Variants in ITPR1 observed in about 807,000 individuals in gnomAD.
ITPR1 encodes inositol 1,4,5-trisphosphate receptor type 1, also known as inositol 1,4,5-trisphosphate-gated calcium channel ITPR1.
ITPR1 carries 96 observed loss-of-function variants against 318.4 expected under a neutral mutation model. The ratio of observed to expected loss-of-function variants is 0.30; its 90% CI spans 0.26 to 0.36. The LOEUF (loss-of-function observed/expected upper bound fraction) is 0.36, where lower values mean the gene tolerates loss of function less well. Among genes scored for constraint, ITPR1 ranks in the 10% least tolerant of loss-of-function variants. The pLI is 1.00. For synonymous variants in ITPR1, 1,312 were observed against 1,289.9 expected, an observed-to-expected ratio of 1.02 and a Z score of -0.37; for missense variants, 2,440 against 3,460.2, an observed-to-expected ratio of 0.71 and a Z score of 7.40.
chr3:4,524,153 C>G (rs1312119147), intron 4 of ITPR1, among the ~76,000 whole-genome samples: 1 of 152,218 alleles, frequency 6.6e-6, no homozygotes, highest in African/African-American at 2.4e-5. Flanking sequence ...CAGAGGTCCC[C>G]TGCACCCAGG....
intron 3 of ITPR1, among the ~76,000 whole-genome samples, chr3:4,518,132 T>C (rs1304499824): frequency 6.6e-6 from 1 of 152,134 alleles, no homozygotes; most frequent in East Asian, 1.9e-4. Context: ...CTTCTCTCTT[T>C]CCAGCTTCCT....
intron 49 of ITPR1, among the ~76,000 whole-genome samples, chr3:4,781,764 C>G (rs549792179): frequency 1.3e-5 from 2 of 152,268 alleles, no homozygotes; most frequent in African/African-American, 4.8e-5. Flanking sequence ...GGGAGGAACA[C>G]TGGAGTCCAG....
rs71053440 is a variant in ITPR1, at chr3:4,755,404, A to AT, written c.5545-11109dup. 7.2e-3 allele frequency among the ~76,000 whole-genome samples: 1,039 copies of AT among 143,920 alleles called. 11 individuals are homozygous for AT. Among genetic ancestry groups the AT allele is most frequent in the African/African-American group, 0.023 (888 of 37,916 alleles). The allele number at this position is 143,920 out of a possible 152,430, so 94.4% of individuals were successfully genotyped here. On this transcript the variant is annotated intron_variant, in intron 44 of 61. Transcript: ENST00000649015. The stretch of plus-strand genomic sequence containing the variant: ...GGTGTTTTTTCCCCCAATTAAAAAC[A>AT]TTTTTTTTTTTTTTTTTAGACATGG...
intron 4 of ITPR1, among the ~76,000 whole-genome samples, chr3:4,537,053 G>A (rs1260201945): frequency 6.6e-6 from 1 of 152,206 alleles, no homozygotes. Context: ...ACTGTCAGCA[G>A]CCTACGTCCA....
At chr3:4,700,264 A>G (rs2094625864) in intron 35 of ITPR1, among the ~76,000 whole-genome samples, 1 of 152,222 alleles carries the variant, frequency 6.6e-6, no homozygotes, top group Non-Finnish European at 1.5e-5. Context: ...AGTGCCTGAC[A>G]CAGAGTAGGT....
At position 4,685,057 on chromosome 3, in the gene ITPR1, T is replaced by C; in HGVS notation, c.3565-12T>C. On this transcript the variant is annotated splice_polypyrimidine_tract_variant and intron_variant, in intron 29 of 61. Transcript: ENST00000649015. Reference sequence around the variant, plus strand: ...CCTAGTTTTCTGAGACTGATTTCTTTCATTCTACTAGATTTTGATTCGGCT... The same window carrying C: ...CCTAGTTTTCTGAGACTGATTTCTTCCATTCTACTAGATTTTGATTCGGCT... 6.2e-7 allele frequency: 1 copy of C among 1,605,636 alleles called. No homozygotes were observed. The highest frequency in any genetic ancestry group is 8.5e-7 in the Non-Finnish European group (1 of 1,175,666).
intron 4 of ITPR1, among the ~76,000 whole-genome samples, chr3:4,563,053 A>G (rs530037172): frequency 9.9e-5 from 15 of 152,212 alleles, no homozygotes; most frequent in Admixed American, 2.0e-4. Flanking sequence ...AGAGCTGGCC[A>G]CTTGTATCTC....
chr3:4,646,847 A>G (rs1315331974), intron 10 of ITPR1, among the ~76,000 whole-genome samples: 1 of 152,156 alleles, frequency 6.6e-6, no homozygotes, highest in Non-Finnish European at 1.5e-5. Flanking sequence ...TAATTTGAAT[A>G]GATAAATTTT....
At chr3:4,586,205 G>T (rs1320631560) in intron 4 of ITPR1, among the ~76,000 whole-genome samples, 2 of 152,186 alleles carry the variant, frequency 1.3e-5, no homozygotes. Flanking sequence ...CTTTGCTATT[G>T]TGAATAGTGC....
At chr3:4,523,123 T>G (rs553667700) in intron 4 of ITPR1, among the ~76,000 whole-genome samples, 2 of 152,308 alleles carry the variant, frequency 1.3e-5, no homozygotes, top group African/African-American at 4.8e-5. Flanking sequence ...TAGGTTTCGC[T>G]TTTGCAGCTG....
chr3:4,743,063 G>A (rs1192759176), intron 44 of ITPR1, among the ~76,000 whole-genome samples: 1 of 152,228 alleles, frequency 6.6e-6, no homozygotes, highest in Non-Finnish European at 1.5e-5. Context: ...GAGACATTCT[G>A]GGATGAAGCA....
intron 53 of ITPR1, 75 bp downstream of exon 53, chr3:4,795,262 C>T (rs1385378230): frequency 9.5e-6 from 14 of 1,478,028 alleles, no homozygotes; most frequent in Admixed American, 5.9e-5. Flanking sequence ...AGTTGTGGTT[C>T]CTGGATGTAT....
At chr3:4,806,393 TC>T in intron 55 of ITPR1, 126 bp downstream of exon 55, 1 of 947,836 alleles carries the variant, frequency 1.1e-6, no homozygotes, top group Non-Finnish European at 1.6e-6. Flanking sequence ...AGATTGAAGC[TC>T]CACAGTTGGC....
intron 4 of ITPR1, among the ~76,000 whole-genome samples, chr3:4,626,316 T>G (rs967573530): frequency 2.6e-5 from 4 of 152,202 alleles, no homozygotes; most frequent in African/African-American, 9.7e-5. Context: ...AACAATAATG[T>G]ACCCTGTTAT....
chr3:4,504,290 G>A (rs911735215), intron 2 of ITPR1, among the ~76,000 whole-genome samples: 4 of 152,172 alleles, frequency 2.6e-5, no homozygotes, highest in African/African-American at 9.7e-5. Flanking sequence ...TTTTGTGTGT[G>A]TATGTGTGTT....
At chr3:4,750,274 C>T (rs1011366256) in intron 44 of ITPR1, 2 of 151,804 alleles carry the variant, frequency 1.3e-5, no homozygotes, top group African/African-American at 4.8e-5. Flanking sequence ...GAGGACTTGA[C>T]CCTGTGGGTT....
intron 44 of ITPR1, among the ~76,000 whole-genome samples, chr3:4,756,137 G>A (rs779974763): frequency 1.3e-5 from 2 of 152,144 alleles, no homozygotes; most frequent in African/African-American, 2.4e-5. Context: ...TGCTGAAGTC[G>A]AGACTGGTTT....
chr3:4,656,705 G>C (rs1156440631), intron 12 of ITPR1, among the ~76,000 whole-genome samples: 1 of 152,156 alleles, frequency 6.6e-6, no homozygotes, highest in Non-Finnish European at 1.5e-5. Context: ...CCTTTGATTT[G>C]ATTTCCGTTT....
intron 54 of ITPR1, among the ~76,000 whole-genome samples, chr3:4,805,813 A>G (rs1559927840): frequency 6.6e-6 from 1 of 152,248 alleles, no homozygotes; most frequent in Non-Finnish European, 1.5e-5. Flanking sequence ...TGAAAATCAT[A>G]ATCTCAGTAT....
Sources: gnomAD v4.1 joint callset for allele counts (sites outside exome capture counted in the v4.1 genomes callset) on GRCh38, gnomAD v4.1.1 for gene constraint, MANE v1.5 for transcripts, NCBI Gene and HGNC (gene_info 2026-07-23, HGNC 2026-07-21) for gene names.